The following TTC7A variants were observed in gnomAD, a reference collection of about 807,000 sequenced individuals.
TTC7A encodes tetratricopeptide repeat protein 7A.
TTC7A carries 110 observed loss-of-function variants against 103.7 expected under a neutral mutation model. The ratio of observed to expected loss-of-function variants is 1.06; its 90% CI spans 0.91 to 1.24. The LOEUF is 1.24. Ranked by LOEUF, TTC7A falls within the 50% of genes most tolerant of loss-of-function variation. The probability of loss-of-function intolerance (pLI) is 0.00; values close to 1 mark genes in which losing one functional copy is unlikely to be tolerated. For missense variants in TTC7A, 1,340 were observed against 1,116.3 expected (o/e 1.20, Z -2.86); for synonymous variants, 521 against 467.9 (o/e 1.11, Z -1.47).
At chr2:47,040,759 C>G (rs968000037) in intron 15 of TTC7A, among the ~76,000 whole-genome samples, 5 of 152,210 alleles carry the variant, frequency 3.3e-5, no homozygotes, top group African/African-American at 9.6e-5. Context: ...ACAGTTCAGC[C>G]TGGTGGAAGT....
chr2:46,955,155 A>G (rs979340401), intron 2 of TTC7A, among the ~76,000 whole-genome samples: 8 of 151,178 alleles, frequency 5.3e-5, no homozygotes, highest in Admixed American at 4.6e-4. Context: ...TGCCTTCAGC[A>G]TCGCTGTGAT....
At chr2:47,027,663 C>A (rs886896172) in intron 14 of TTC7A, among the ~76,000 whole-genome samples, 1 of 152,228 alleles carries the variant, frequency 6.6e-6, no homozygotes, top group African/African-American at 2.4e-5. Context: ...CTTGCCAAAA[C>A]GAGCAGGATC....
intron 8 of TTC7A, among the ~76,000 whole-genome samples, chr2:46,995,685 A>G (rs1242629891): frequency 6.6e-6 from 1 of 152,212 alleles, no homozygotes; most frequent in Non-Finnish European, 1.5e-5. Flanking sequence ...CCTGTAATAT[A>G]ACAATACTCA....
At chr2:47,058,525 C>T (rs1683504570) in intron 18 of TTC7A, among the ~76,000 whole-genome samples, 1 of 152,248 alleles carries the variant, frequency 6.6e-6, no homozygotes, top group African/African-American at 2.4e-5. Context: ...TCTCTGTTCT[C>T]TATCCCACCC....
At chr2:47,073,485 G>GT (rs1434622826) in intron 19 of TTC7A, among the ~76,000 whole-genome samples, 1 of 152,174 alleles carries the variant, frequency 6.6e-6, no homozygotes, top group African/African-American at 2.4e-5. Context: ...CCTGCAGTGG[G>GT]TTTCCCAGGA....
intron 1 of TTC7A, among the ~76,000 whole-genome samples, chr2:46,945,033 CA>C (rs1349323984): frequency 6.6e-6 from 1 of 152,108 alleles, no homozygotes; most frequent in East Asian, 1.9e-4. Flanking sequence ...CAGTAAAGGT[CA>C]AAAAAATTTG....
exon 1 of TTC7A, chr2:46,916,345 C>T (rs1254854643): frequency 4.8e-6 from 1 of 207,422 alleles, no homozygotes; most frequent in Non-Finnish European, 8.4e-6. Flanking sequence ...CTGCGGCAGC[C>T]GCTGTCCCCG....
intron 3 of TTC7A, 46 bp from the exon 4 acceptor site, chr2:46,974,927 G>C: frequency 6.3e-7 from 1 of 1,596,826 alleles, no homozygotes; most frequent in African/African-American, 1.3e-5. Context: ...CCTGGAGTCA[G>C]GGGGCCCGAG....
chr2:47,041,340 C>T (rs1364875285), intron 15 of TTC7A, among the ~76,000 whole-genome samples: 1 of 152,236 alleles, frequency 6.6e-6, no homozygotes, highest in Non-Finnish European at 1.5e-5. Flanking sequence ...GGGGCCCTGC[C>T]TGCAGGCACT....
chr2:46,916,128 C>G, upstream of TTC7A: 1 of 985,540 alleles, frequency 1.0e-6, no homozygotes, highest in African/African-American at 1.7e-5. Context: ...GGGCGGACCC[C>G]AAAGCTGGCT....
intron 8 of TTC7A, among the ~76,000 whole-genome samples, chr2:47,001,191 A>G (rs1676765538): frequency 6.6e-6 from 1 of 152,104 alleles, no homozygotes; most frequent in South Asian, 2.1e-4. Context: ...CTTCTCTTAG[A>G]CTGGAGCCCT....
chr2:46,998,723 A>C, intron 8 of TTC7A, among the ~76,000 whole-genome samples: 1 of 152,210 alleles, frequency 6.6e-6, no homozygotes, highest in Admixed American at 6.5e-5. Context: ...CATCCAGAGC[A>C]GCTGCTGCAG....
chr2:46,984,687 C>T (rs1430562195), intron 5 of TTC7A, among the ~76,000 whole-genome samples: 1 of 152,100 alleles, frequency 6.6e-6, no homozygotes, highest in African/African-American at 2.4e-5. Flanking sequence ...TTTGCTTCTG[C>T]TGGGGGCCTG....
chr2:46,995,490 C>G (rs1258650957), intron 8 of TTC7A, among the ~76,000 whole-genome samples: 2 of 152,180 alleles, frequency 1.3e-5, no homozygotes, highest in Non-Finnish European at 2.9e-5. Context: ...TGATCATCAA[C>G]AAGGTCACAG....
chr2:46,997,418 A>G (rs1019002080), intron 8 of TTC7A, among the ~76,000 whole-genome samples: 2 of 152,072 alleles, frequency 1.3e-5, no homozygotes, highest in Non-Finnish European at 2.9e-5. Flanking sequence ...GGTGCGCATT[A>G]TGTTGAGTCA....
chr2:47,040,996 G>A (rs1029594898), intron 15 of TTC7A, among the ~76,000 whole-genome samples: 5 of 152,248 alleles, frequency 3.3e-5, no homozygotes, highest in South Asian at 2.1e-4. Flanking sequence ...GCTGGATTTC[G>A]GTATTCAGGC....
chr2:47,018,140 G>A (rs925788027), intron 11 of TTC7A, among the ~76,000 whole-genome samples: 1 of 151,694 alleles, frequency 6.6e-6, no homozygotes, highest in African/African-American at 2.4e-5. Flanking sequence ...AGCCGGGCAT[G>A]GTGGCACACA....
chr2:46,949,609 ATG>A (rs1297790573), intron 1 of TTC7A, among the ~76,000 whole-genome samples: 2 of 152,152 alleles, frequency 1.3e-5, no homozygotes, highest in African/African-American at 4.8e-5. Flanking sequence ...TATACCCTAT[ATG>A]TGAGAGAACT....
At chr2:46,937,812 G>A (rs1021693279), upstream of TTC7A, among the ~76,000 whole-genome samples, 1 of 152,214 alleles carries the variant, frequency 6.6e-6, no homozygotes, top group Non-Finnish European at 1.5e-5. The surrounding 1 kb of genome is among the most constrained non-coding windows in gnomAD (Gnocchi z 4.0). Flanking sequence ...GTTAGTCAAG[G>A]TCTTTTGGAG....
Sources: gnomAD v4.1 joint callset for allele counts (sites outside exome capture counted in the v4.1 genomes callset) on GRCh38, gnomAD v4.1.1 for gene constraint, Gnocchi (gnomAD v3.1) non-coding constraint, MANE v1.5 for transcripts, NCBI Gene and HGNC (gene_info 2026-07-23, HGNC 2026-07-21) for gene names.